TMED8: variants seen among roughly 807,000 people sequenced by gnomAD.
TMED8 encodes transmembrane p24 trafficking protein family member 8, also known as protein TMED8.
In TMED8, 15 loss-of-function variants were observed where a neutral mutation model predicts 32.7. The observed-to-expected ratio is 0.46, with a 90% CI of 0.31 to 0.71. TMED8 has a LOEUF of 0.71. TMED8 is among the 30% of genes least tolerant of loss of function. The pLI, the probability that TMED8 is intolerant of heterozygous loss-of-function variation, is 0.06. For synonymous variants in TMED8, 147 were observed against 161.4 expected (o/e 0.91, Z 0.68); for missense variants, 390 against 423.9 (o/e 0.92, Z 0.70).
chr14:77,359,202 G>A (rs1038069450), intron 1 of TMED8, among the ~76,000 whole-genome samples: 10 of 152,132 alleles, frequency 6.6e-5, no homozygotes, highest in African/African-American at 1.7e-4. Context: ...GAGCCACTGC[G>A]CCCAGCTACA....
At position 77,341,721 on chromosome 14, in the gene TMED8, G is replaced by A; in HGVS notation, c.*50C>T. 5 of 1,588,482 alleles carry A rather than the reference G, an allele frequency of 3.1e-6. No individual in the cohort carries two copies. Among genetic ancestry groups the A allele is most frequent in the Middle Eastern group, 1.7e-4 (1 of 6,000 alleles). On this transcript the variant is annotated 3_prime_UTR_variant, in exon 6 of 6. Transcript: ENST00000216468. ...TATCCCAAACAAGAGGCACCAGCTG[G>A]CAGCCTGCTTCAGCCAGCAAATACA...
At chr14:77,373,222 A>T (rs1012385647) in intron 1 of TMED8, among the ~76,000 whole-genome samples, 1 of 151,478 alleles carries the variant, frequency 6.6e-6, no homozygotes, top group African/African-American at 2.4e-5. Context: ...ATGTATTGAT[A>T]GCTCTGGGGG....
chr14:77,354,089 C>A (rs1566688598), intron 1 of TMED8, among the ~76,000 whole-genome samples: 2 of 152,200 alleles, frequency 1.3e-5, no homozygotes, highest in African/African-American at 4.8e-5. Flanking sequence ...TGCTGGCTCC[C>A]TTTAGCCGCT....
chr14:77,343,493 C>T lies in TMED8; in HGVS notation c.455-10G>A, dbSNP rs1459089977. The T allele has an allele frequency of 6.2e-7, 1 of 1,612,700 alleles. No individual in the cohort carries two copies. Among genetic ancestry groups the T allele is most frequent in the Middle Eastern group, 1.7e-4 (1 of 5,770 alleles). On this transcript the variant is annotated splice_polypyrimidine_tract_variant and intron_variant, in intron 4 of 5. Coordinates refer to ENST00000216468, the MANE Select transcript of TMED8 (RefSeq NM_213601.3). Reference sequence around the variant, plus strand: ...ATCAGAGGTGGGGAGACTGAAAGGACAAGCAGCTTAGCACTGAGAAACCAT... The same window carrying T: ...ATCAGAGGTGGGGAGACTGAAAGGATAAGCAGCTTAGCACTGAGAAACCAT...
rs912819780 is a variant in TMED8, at chr14:77,339,507, G to A, written c.*2264C>T. ...GTTTCAATTTGAGAGAAAGGCAGAA[G>A]TTAATAATAAACAGGAAAAATAAGC... is the stretch of plus-strand genomic sequence containing the variant. On this transcript the variant is annotated 3_prime_UTR_variant, in exon 6 of 6. Transcript: ENST00000216468. The A allele has an allele frequency of 6.6e-5, 10 of 152,224 alleles. No homozygotes were observed. The highest frequency in any genetic ancestry group is 1.5e-4 in the Non-Finnish European group (10 of 68,040). The allele number at this position is 152,224 out of a possible 1,614,324, so 9.4% of individuals were successfully genotyped here.
chr14:77,372,104 A>G (rs996916136), intron 1 of TMED8, among the ~76,000 whole-genome samples: 4 of 152,240 alleles, frequency 2.6e-5, no homozygotes, highest in Non-Finnish European at 4.4e-5. Context: ...AGTGGCCGAA[A>G]TCTCGGAAAC....
rs560680542 is a variant in TMED8 at position 77,341,395 on chromosome 14, G to A, written c.*376C>T. 1 of 238,254 alleles carries A rather than the reference G, an allele frequency of 4.2e-6. No homozygotes were observed. The highest frequency in any genetic ancestry group is 2.3e-5 in the African/African-American group (1 of 43,996). The allele number at this position is 238,254 out of a possible 1,614,324, so 14.8% of individuals were successfully genotyped here. On this transcript the variant is annotated 3_prime_UTR_variant, in exon 6 of 6. Transcript: ENST00000216468. ...GAGAGTGGGTGCCACTAAATGCACT[G>A]GCAATAAGGGCTGTGGGAGAGGAGA...
At position 77,336,341 on chromosome 14, in the gene TMED8, A is replaced by C. The variant is rs1039231668; in HGVS notation, c.*5430T>G. The C allele has an allele frequency of 6.6e-6, 1 of 152,140 alleles. No individual in the cohort carries two copies. Among genetic ancestry groups the C allele is most frequent in the Non-Finnish European group, 1.5e-5 (1 of 68,024 alleles). 9.4% of individuals were successfully genotyped at this position (152,140 alleles called of 1,614,324 possible). A position where few individuals can be genotyped will look rare whatever the true frequency, so the allele number is the denominator to read the frequency against. On this transcript the variant is annotated 3_prime_UTR_variant, in exon 6 of 6. Transcript: ENST00000216468. ...CTCTGGTCCACATACCTGGGGCCTAAAAAAATCAGGTACATATAATAGGAA... is the reference window on the plus strand; with the variant it reads ...CTCTGGTCCACATACCTGGGGCCTACAAAAATCAGGTACATATAATAGGAA...
chr14:77,375,825 T>C (rs1018003661), intron 1 of TMED8, among the ~76,000 whole-genome samples: 3 of 152,180 alleles, frequency 2.0e-5, no homozygotes, highest in African/African-American at 7.2e-5. Flanking sequence ...GAGACGAGTA[T>C]AGTGTGTACC....
chr14:77,358,755 G>T (rs1566690254), intron 1 of TMED8, among the ~76,000 whole-genome samples: 1 of 152,024 alleles, frequency 6.6e-6, no homozygotes, highest in Admixed American at 6.6e-5. Context: ...TATAACTAAG[G>T]ATATGGATAT....
intron 2 of TMED8, among the ~76,000 whole-genome samples, chr14:77,351,352 G>A (rs543569447): frequency 6.7e-6 from 1 of 150,170 alleles, no homozygotes; most frequent in African/African-American, 2.4e-5. Context: ...CAGGCGTGGT[G>A]GTGCGCGCCT....
intron 2 of TMED8, 54 bp downstream of exon 2, chr14:77,351,619 G>T: frequency 6.7e-7 from 1 of 1,492,020 alleles, no homozygotes; most frequent in Non-Finnish European, 9.2e-7. Flanking sequence ...TCTTTCACCA[G>T]TTCCTCATCT....
intron 1 of TMED8, among the ~76,000 whole-genome samples, chr14:77,373,564 A>T (rs1242050116): frequency 6.6e-6 from 1 of 152,142 alleles, no homozygotes; most frequent in Non-Finnish European, 1.5e-5. Context: ...ACATGAAGAC[A>T]CTCAATAGGT....
Position 77,341,480 on chromosome 14 carries a change from C to A in TMED8, c.*291G>T. The stretch of plus-strand genomic sequence containing the variant: ...TGAATCTATTTTTAAAAAACATCGC[C>A]CTGCTTCCTTTTAGGCTTGTGCCCC... On this transcript the variant is annotated 3_prime_UTR_variant, in exon 6 of 6. Transcript: ENST00000216468. The A allele has an allele frequency of 2.3e-6, 1 of 430,674 alleles. No homozygotes were observed. Among genetic ancestry groups the A allele is most frequent in the Non-Finnish European group, 4.2e-6 (1 of 235,456 alleles). The allele number at this position is 430,674 out of a possible 1,614,324, so 26.7% of individuals were successfully genotyped here.
chr14:77,343,218 G>A lies in TMED8; in HGVS notation c.720C>T (p.Asp240=), dbSNP rs41463347. The change falls in exon 5 of 6, where the codon GAC becomes GAT. Residue 240 remains aspartate (D), a synonymous_variant. Coordinates refer to ENST00000216468, the MANE Select transcript of TMED8 (RefSeq NM_213601.3). Reference sequence around the variant, plus strand: ...CCTCTTCCTCTTCTTCATCCTCATCGTCACTGGAATCACTGACCTGCACAG... The same window carrying A: ...CCTCTTCCTCTTCTTCATCCTCATCATCACTGGAATCACTGACCTGCACAG... The part of the protein sequence containing the change: ...DITVQVSDSS[D]DEDEEEEEEE... 9.6e-4 allele frequency: 1,555 copies of A among 1,614,000 alleles called. 11 individuals are homozygous for A. In the African/African-American group the frequency reaches 0.017, roughly 18 times the overall value.
At chr14:77,354,637 A>G (rs1023115596) in intron 1 of TMED8, among the ~76,000 whole-genome samples, 3 of 152,172 alleles carry the variant, frequency 2.0e-5, no homozygotes, top group Non-Finnish European at 4.4e-5. Flanking sequence ...ACCAAAGATT[A>G]CCACTGTTAA....
rs1251693250 is a variant in TMED8 at position 77,372,862 on chromosome 14, A to T, written c.118+4074T>A. Among the ~76,000 whole-genome samples the T allele has an allele frequency of 4.4e-5, 6 of 135,602 alleles. No individual in the cohort carries two copies. The East Asian group carries it at 9.6e-4, about 22-fold the overall frequency. 89.0% of individuals were successfully genotyped at this position (135,602 alleles called of 152,430 possible). ...CTTACCATTCAACATGGTAGCCACC[A>T]AATTTTGAATTTTAATTCATGCACA... On this transcript the variant is annotated intron_variant, in intron 1 of 5. Transcript: ENST00000216468.
At chr14:77,343,890 G>A in intron 3 of TMED8, 67 bp from the exon 4 acceptor site, 1 of 1,546,106 alleles carries the variant, frequency 6.5e-7, no homozygotes. Flanking sequence ...CTTTTTGCAT[G>A]AAGGCTGCCC....
intron 3 of TMED8, among the ~76,000 whole-genome samples, chr14:77,345,633 C>T (rs1313091665): frequency 1.5e-5 from 2 of 134,942 alleles, no homozygotes; most frequent in East Asian, 4.7e-4. Flanking sequence ...GCACTGAAGC[C>T]GGGTGACAGA....
Sources: allele counts gnomAD v4.1 joint callset (sites outside exome capture counted in the v4.1 genomes callset), GRCh38; gene constraint gnomAD v4.1.1; transcripts MANE v1.5; gene names NCBI Gene and HGNC (gene_info 2026-07-23, HGNC 2026-07-21).